The following CAMSAP1 variants were observed in gnomAD, a reference collection of about 807,000 sequenced individuals.
CAMSAP1 encodes the protein calmodulin-regulated spectrin-associated protein 1.
CAMSAP1 carries 58 observed loss-of-function variants against 143.5 expected under a neutral mutation model. That is an observed-to-expected ratio of 0.40 (90% CI 0.33 to 0.50). The LOEUF (loss-of-function observed/expected upper bound fraction) is 0.50. CAMSAP1 is among the 20% of genes least tolerant of loss of function. The pLI is 0.45. For missense variants in CAMSAP1, 1,969 were observed against 2,115.7 expected, an observed-to-expected ratio of 0.93 and a Z score of 1.36; for synonymous variants, 945 against 859.3, an observed-to-expected ratio of 1.10 and a Z score of -1.74.
At chr9:135,838,333 G>A (rs554296038) in intron 7 of CAMSAP1, among the ~76,000 whole-genome samples, 1,767 of 117,480 alleles carry the variant, frequency 0.015, 31 homozygotes, top group African/African-American at 0.054. Flanking sequence ...ACAGACACAC[G>A]TCATCACGCA....
At chr9:135,897,152 C>G (rs575937977) in intron 1 of CAMSAP1, among the ~76,000 whole-genome samples, 1 of 152,226 alleles carries the variant, frequency 6.6e-6, no homozygotes, top group East Asian at 1.9e-4. Flanking sequence ...ACTATACTTT[C>G]CTACACACGA....
Position 135,818,823 on chromosome 9 carries a change from C to A in CAMSAP1, c.3959+187G>T, listed in dbSNP as rs1835335866. Among the ~76,000 whole-genome samples, 1 of 152,222 alleles carries A rather than the reference C, an allele frequency of 6.6e-6. No homozygotes were observed. The highest frequency in any genetic ancestry group is 6.5e-5 in the Admixed American group (1 of 15,290). On this transcript the variant is annotated intron_variant, in intron 12 of 16. Transcript: ENST00000389532. The surrounding 1 kb of genome is among the most constrained non-coding windows in gnomAD (Gnocchi z 7.7). ...GCCACACAGCCTCCCTGGCCACCGG[C>A]AACGCACGTCCTCACTGAAGATCAG...
intron 3 of CAMSAP1, among the ~76,000 whole-genome samples, chr9:135,881,299 A>G (rs570082290): frequency 1.1e-3 from 162 of 152,162 alleles, no homozygotes; most frequent in African/African-American, 3.8e-3. Flanking sequence ...TCAAGGCTGC[A>G]GTAAGCCATG....
chr9:135,827,969 A>G (rs377227853), intron 7 of CAMSAP1, among the ~76,000 whole-genome samples: 3 of 152,202 alleles, frequency 2.0e-5, no homozygotes, highest in Non-Finnish European at 4.4e-5. Flanking sequence ...CTCCTGGGAG[A>G]AGGCTTGGGG....
intron 16 of CAMSAP1, among the ~76,000 whole-genome samples, chr9:135,812,935 G>A (rs1009526721): frequency 4.6e-5 from 7 of 150,652 alleles, no homozygotes; most frequent in African/African-American, 1.5e-4. Context: ...CAGTCTGGGC[G>A]ACAGAGTGAG....
chr9:135,837,229 C>T (rs1836095424), intron 7 of CAMSAP1, among the ~76,000 whole-genome samples: 1 of 150,892 alleles, frequency 6.6e-6, no homozygotes, highest in African/African-American at 2.4e-5. Context: ...GGACATTCTA[C>T]AGACACACAT....
chr9:135,849,583 T>C (rs1255174095), intron 7 of CAMSAP1, among the ~76,000 whole-genome samples: 1 of 152,202 alleles, frequency 6.6e-6, no homozygotes, highest in Admixed American at 6.5e-5. Flanking sequence ...ATACTAGTTA[T>C]TTATCTACCA....
chr9:135,879,099 G>C (rs1015129325), intron 3 of CAMSAP1, among the ~76,000 whole-genome samples: 3 of 152,086 alleles, frequency 2.0e-5, no homozygotes, highest in African/African-American at 7.2e-5. Context: ...GAGGAGGAGG[G>C]GAGTGGAGGG....
intron 7 of CAMSAP1, among the ~76,000 whole-genome samples, chr9:135,830,838 G>A (rs923722686): frequency 6.6e-6 from 1 of 152,168 alleles, no homozygotes. Context: ...ATCATGTCAT[G>A]TATCTTTTCA....
intron 5 of CAMSAP1, among the ~76,000 whole-genome samples, chr9:135,854,060 T>TC (rs1235556819): frequency 6.6e-6 from 1 of 152,244 alleles, no homozygotes; most frequent in African/African-American, 2.4e-5. Context: ...CAGGGAATAA[T>TC]CCCCTTTTGG....
At chr9:135,848,024 G>A (rs1836640269) in intron 7 of CAMSAP1, among the ~76,000 whole-genome samples, 1 of 148,748 alleles carries the variant, frequency 6.7e-6, no homozygotes, top group South Asian at 2.2e-4. Flanking sequence ...AGTCATGAAG[G>A]CATCAAACAA....
chr9:135,831,710 T>C (rs945589500), intron 7 of CAMSAP1, among the ~76,000 whole-genome samples: 1 of 151,284 alleles, frequency 6.6e-6, no homozygotes, highest in African/African-American at 2.4e-5. Flanking sequence ...GAAGATAAAA[T>C]CGACAAACTA....
chr9:135,862,580 G>T lies in CAMSAP1; in HGVS notation c.695C>A (p.Ala232Asp), dbSNP rs1004463435. The T allele has an allele frequency of 6.4e-7, 1 of 1,551,616 alleles. No individual in the cohort carries two copies. Among genetic ancestry groups the T allele is most frequent in the African/African-American group, 1.4e-5 (1 of 73,024 alleles). Residue 232 changes from alanine (A) to aspartate (D), a missense_variant, in exon 5 of 17, where the codon GCT becomes GAT. Ala to Asp is a moderately radical substitution (Grantham distance 126). Transcript: ENST00000389532. ...CAACGGGAAGTAGGGTGACTGCCTA[G>T]CAGAAAGGTGCTCTCGTCGATAGCG... ...KVRYRREHLSARQSPYFPLLE... is the reference protein window; with the variant it reads ...KVRYRREHLSDRQSPYFPLLE...
chr9:135,849,400 T>C (rs1394824272), intron 7 of CAMSAP1, among the ~76,000 whole-genome samples: 5 of 152,188 alleles, frequency 3.3e-5, no homozygotes, highest in Admixed American at 3.3e-4. Flanking sequence ...CTGCAGGCCG[T>C]CTGGGTGTCA....
intron 7 of CAMSAP1, among the ~76,000 whole-genome samples, chr9:135,833,360 C>T (rs182877487): frequency 3.9e-5 from 6 of 152,280 alleles, no homozygotes; most frequent in Admixed American, 3.3e-4. Flanking sequence ...GGATTACAGG[C>T]GTGAGCCACC....
At chr9:135,876,978 T>C (rs888623494) in intron 3 of CAMSAP1, among the ~76,000 whole-genome samples, 4 of 152,118 alleles carry the variant, frequency 2.6e-5, no homozygotes, top group African/African-American at 9.7e-5. Context: ...CACTACCCTC[T>C]AGCCTGGGTG....
chr9:135,825,968 G>T lies in CAMSAP1; in HGVS notation c.1224-1088C>A, dbSNP rs151247363. 3.0e-4 allele frequency among the ~76,000 whole-genome samples: 46 copies of T among 152,300 alleles called. 1 individual carries two copies. The East Asian group carries it at 5.2e-3, about 17-fold the overall frequency. ...CCCGGGGGGAAGCTGGGCAGAGCAG[G>T]AATGGCACAGGGACCTGTGTCAGGG... On this transcript the variant is annotated intron_variant, in intron 8 of 16. Coordinates refer to ENST00000389532, the MANE Select transcript of CAMSAP1 (RefSeq NM_015447.4).
At chr9:135,895,892 C>A (rs1838432373) in intron 1 of CAMSAP1, among the ~76,000 whole-genome samples, 1 of 151,864 alleles carries the variant, frequency 6.6e-6, no homozygotes, top group African/African-American at 2.4e-5. Context: ...AGAGATACAC[C>A]CAAAAACAAT....
intron 7 of CAMSAP1, among the ~76,000 whole-genome samples, chr9:135,837,648 C>T (rs1028238214): frequency 6.0e-5 from 9 of 150,888 alleles, no homozygotes; most frequent in African/African-American, 1.7e-4. Flanking sequence ...ACTTTCTACC[C>T]CTTCTACAGA....
Sources: allele counts gnomAD v4.1 joint callset (sites outside exome capture counted in the v4.1 genomes callset), GRCh38; gene constraint gnomAD v4.1.1; non-coding constraint Gnocchi (gnomAD v3.1); transcripts MANE v1.5; gene names NCBI Gene and HGNC (gene_info 2026-07-23, HGNC 2026-07-21).